B3GALT1: variants seen among roughly 807,000 people sequenced by gnomAD.
The protein encoded by B3GALT1 is beta-1,3-galactosyltransferase 1.
Under a neutral mutation model 23.2 loss-of-function variants are expected in B3GALT1, and 10 were observed. That is an observed-to-expected ratio of 0.43 (90% CI 0.27 to 0.73). B3GALT1 has a LOEUF of 0.73. Among genes scored for constraint, B3GALT1 ranks in the 30% least tolerant of loss-of-function variants. The pLI is 0.21. For missense variants in B3GALT1, 299 were observed against 405.4 expected, an observed-to-expected ratio of 0.74 and a Z score of 2.25; for synonymous variants, 156 against 141.5, an observed-to-expected ratio of 1.10 and a Z score of -0.73.
intron 1 of B3GALT1, among the ~76,000 whole-genome samples, chr2:167,356,789 G>A (rs537408228): frequency 6.6e-6 from 1 of 151,832 alleles, no homozygotes; most frequent in South Asian, 2.1e-4. Context: ...AATATATATA[G>A]TAATTAAATT....
chr2:167,692,070 G>A (rs1211051884), intron 3 of B3GALT1, among the ~76,000 whole-genome samples: 4 of 152,100 alleles, frequency 2.6e-5, no homozygotes, highest in African/African-American at 7.2e-5. Flanking sequence ...AGGCTAATTA[G>A]TAACCTCTAG....
intron 2 of B3GALT1, among the ~76,000 whole-genome samples, chr2:167,643,418 G>A (rs1448011875): frequency 2.6e-5 from 4 of 152,004 alleles, no homozygotes; most frequent in African/African-American, 9.7e-5. Flanking sequence ...GAGGTGCACT[G>A]GCATGACTTG....
chr2:167,471,499 A>G (rs1699417773), intron 1 of B3GALT1, among the ~76,000 whole-genome samples: 1 of 152,198 alleles, frequency 6.6e-6, no homozygotes, highest in Non-Finnish European at 1.5e-5. Flanking sequence ...CTTCTATCAG[A>G]AACTAATGAG....
chr2:167,866,943 T>G (rs1690230831), intron 4 of B3GALT1, among the ~76,000 whole-genome samples: 1 of 151,966 alleles, frequency 6.6e-6, no homozygotes, highest in Non-Finnish European at 1.5e-5. Flanking sequence ...CTCTTTTTTT[T>G]TGAGACGGAG....
chr2:167,626,798 A>G (rs1019398123), intron 2 of B3GALT1, among the ~76,000 whole-genome samples: 1 of 151,800 alleles, frequency 6.6e-6, no homozygotes, highest in Non-Finnish European at 1.5e-5. Flanking sequence ...TACATATAGT[A>G]AATATTCAAT....
At chr2:167,783,759 G>A (rs554169075) in intron 3 of B3GALT1, among the ~76,000 whole-genome samples, 54 of 152,242 alleles carry the variant, frequency 3.5e-4, no homozygotes, top group African/African-American at 1.1e-3. Flanking sequence ...AGCTAATCTC[G>A]GTTTCAAATG....
chr2:167,525,690 G>T (rs1259851520), intron 2 of B3GALT1, among the ~76,000 whole-genome samples: 2 of 151,624 alleles, frequency 1.3e-5, no homozygotes, highest in Non-Finnish European at 2.9e-5. Context: ...CTGGAGTTCA[G>T]TGACACGTCA....
intron 2 of B3GALT1, among the ~76,000 whole-genome samples, chr2:167,625,535 G>T (rs1479416763): frequency 6.6e-6 from 1 of 151,614 alleles, no homozygotes; most frequent in East Asian, 1.9e-4. Context: ...GAAGAAATTG[G>T]ATATAAAACA....
At chr2:167,749,858 C>T (rs768811122) in intron 3 of B3GALT1, among the ~76,000 whole-genome samples, 8 of 152,210 alleles carry the variant, frequency 5.3e-5, no homozygotes, top group African/African-American at 1.9e-4. Flanking sequence ...CTGTCAGACG[C>T]TGAGTCATGA....
At position 167,857,433 on chromosome 2, in the gene B3GALT1, T is replaced by C. The variant is rs550549140; in HGVS notation, c.-229-11378T>C. 5.3e-5 allele frequency among the ~76,000 whole-genome samples: 8 copies of C among 152,174 alleles called. No individual in the cohort carries two copies. In the East Asian group the frequency reaches 1.5e-3, roughly 29 times the overall value. On this transcript the variant is annotated intron_variant, in intron 4 of 4. Coordinates refer to ENST00000392690, the MANE Select transcript of B3GALT1 (RefSeq NM_020981.4). The stretch of plus-strand genomic sequence containing the variant: ...TTCAAGGCACCAGTAGGATGAAAAC[T>C]GGCAGGCTGAGTCTCTAGCCATAGA...
At chr2:167,668,053 T>C (rs1308646926) in intron 3 of B3GALT1, among the ~76,000 whole-genome samples, 1 of 152,230 alleles carries the variant, frequency 6.6e-6, no homozygotes, top group Non-Finnish European at 1.5e-5. Context: ...GTTTTTCTGC[T>C]CTGTTTTTTC....
intron 2 of B3GALT1, among the ~76,000 whole-genome samples, chr2:167,593,695 A>G (rs1684723267): frequency 6.6e-6 from 1 of 152,242 alleles, no homozygotes; most frequent in African/African-American, 2.4e-5. Flanking sequence ...AAAATCCAAC[A>G]GCATGAACTG....
chr2:167,812,998 C>G (rs2105354582), intron 3 of B3GALT1, among the ~76,000 whole-genome samples: 1 of 96,384 alleles, frequency 1.0e-5, no homozygotes, highest in Non-Finnish European at 1.9e-5. Context: ...CCACCCCCAC[C>G]CCCCCCCACA....
At chr2:167,493,890 T>C (rs1354707784) in intron 2 of B3GALT1, among the ~76,000 whole-genome samples, 3 of 152,184 alleles carry the variant, frequency 2.0e-5, no homozygotes, top group African/African-American at 4.8e-5. Context: ...TCTCCACTTT[T>C]ATCAAGCTCC....
intron 1 of B3GALT1, among the ~76,000 whole-genome samples, chr2:167,406,674 C>A (rs549222762): frequency 6.6e-6 from 1 of 152,144 alleles, no homozygotes; most frequent in South Asian, 2.1e-4. Context: ...AATATCCCTG[C>A]GGACAGGCAG....
At chr2:167,594,554 T>C (rs566617540) in intron 2 of B3GALT1, among the ~76,000 whole-genome samples, 2 of 152,248 alleles carry the variant, frequency 1.3e-5, no homozygotes, top group African/African-American at 4.8e-5. Context: ...TTTTAAACTT[T>C]CTGGAATCAA....
At chr2:167,836,192 C>A (rs925946736) in intron 4 of B3GALT1, among the ~76,000 whole-genome samples, 2 of 152,146 alleles carry the variant, frequency 1.3e-5, no homozygotes, top group African/African-American at 4.8e-5. Context: ...ACGACTTTGA[C>A]AAGTTGAGAG....
intron 1 of B3GALT1, among the ~76,000 whole-genome samples, chr2:167,373,348 A>G (rs1574053354): frequency 6.6e-6 from 1 of 152,130 alleles, no homozygotes; most frequent in Non-Finnish European, 1.5e-5. Context: ...TAAGAACATA[A>G]TAAGTAAATT....
chr2:167,675,573 A>T (rs1459556177), intron 3 of B3GALT1, among the ~76,000 whole-genome samples: 1 of 152,156 alleles, frequency 6.6e-6, no homozygotes, highest in Non-Finnish European at 1.5e-5. Context: ...GATACAGGTG[A>T]TTGGAATGGG....
Sources: gnomAD v4.1 joint callset for allele counts (sites outside exome capture counted in the v4.1 genomes callset) on GRCh38, gnomAD v4.1.1 for gene constraint, MANE v1.5 for transcripts, NCBI Gene and HGNC (gene_info 2026-07-23, HGNC 2026-07-21) for gene names.